Variants in SNX29 observed in about 807,000 individuals in gnomAD.
SNX29 encodes sorting nexin 29, also known as sorting nexin-29.
A neutral mutation model predicts 102.1 loss-of-function variants in SNX29; 78 were observed. The ratio of observed to expected loss-of-function variants is 0.76; its 90% confidence interval spans 0.64 to 0.92. The LOEUF is 0.92. Ranked by LOEUF, SNX29 falls within the 40% of genes least tolerant of loss-of-function variation. The probability of loss-of-function intolerance (pLI) is 0.00; values close to 1 mark genes in which losing one functional copy is unlikely to be tolerated. For synonymous variants in SNX29, 580 were observed against 414.5 expected (o/e 1.40, Z -4.85); for missense variants, 1,280 against 1,061.7 (o/e 1.21, Z -2.86).
intron 18 of SNX29, among the ~76,000 whole-genome samples, chr16:12,434,585 C>G (rs1044121900): frequency 2.0e-5 from 3 of 152,000 alleles, no homozygotes; most frequent in Non-Finnish European, 4.4e-5. Flanking sequence ...CCTTGTGTAC[C>G]CTGCAACCCC....
intron 15 of SNX29, among the ~76,000 whole-genome samples, chr16:12,284,863 T>G (rs1235006081): frequency 6.6e-6 from 1 of 152,126 alleles, no homozygotes; most frequent in Non-Finnish European, 1.5e-5. Flanking sequence ...TAGCTGAGAT[T>G]ACAGATGCGT....
intron 18 of SNX29, among the ~76,000 whole-genome samples, chr16:12,410,247 A>G (rs1387110464): frequency 6.6e-6 from 1 of 151,606 alleles, no homozygotes; most frequent in Non-Finnish European, 1.5e-5. Context: ...ACCTGCCTCG[A>G]CCTCCCAAAG....
At chr16:12,540,373 T>G (rs941955345) in intron 20 of SNX29, among the ~76,000 whole-genome samples, 1 of 152,218 alleles carries the variant, frequency 6.6e-6, no homozygotes, top group African/African-American at 2.4e-5. Context: ...TTTCTTATTG[T>G]TGCCCTACCA....
chr16:12,314,478 T>A lies in SNX29; in HGVS notation c.1782+36442T>A, dbSNP rs143512683. 2.6e-3 allele frequency among the ~76,000 whole-genome samples: 393 copies of A among 152,374 alleles called. 2 individuals are homozygous for A. Among genetic ancestry groups the A allele is most frequent in the Middle Eastern group, 0.01 (3 of 294 alleles). On this transcript the variant is annotated intron_variant, in intron 15 of 20. Transcript: ENST00000566228. ...GCCGTGTGGCCTCAGCCGAGTTCCC[T>A]AGCCTTTCTCTGTCTCATTTTACTC...
At chr16:12,088,077 G>A (rs780029450) in intron 11 of SNX29, 119 of 456,576 alleles carry the variant, frequency 2.6e-4, no homozygotes, top group Middle Eastern at 9.7e-4. Context: ...TGACTGGGAA[G>A]GATGGGTGCT....
intron 2 of SNX29, among the ~76,000 whole-genome samples, chr16:12,001,600 T>C (rs1359195733): frequency 1.3e-5 from 2 of 152,048 alleles, no homozygotes; most frequent in Non-Finnish European, 2.9e-5. Flanking sequence ...TATATGTATA[T>C]ACACACACAC....
chr16:12,033,800 T>A (rs1596648806), intron 4 of SNX29, among the ~76,000 whole-genome samples: 1 of 151,406 alleles, frequency 6.6e-6, no homozygotes, highest in African/African-American at 2.4e-5. Flanking sequence ...AGAGACGGGG[T>A]TTCATCATAT....
chr16:12,069,469 C>T (rs199558890), intron 10 of SNX29, among the ~76,000 whole-genome samples: 3 of 151,888 alleles, frequency 2.0e-5, no homozygotes, highest in African/African-American at 7.3e-5. Flanking sequence ...GGTTTCACCA[C>T]GTTGGCCAGG....
At chr16:12,064,882 C>T (rs147537909) in intron 9 of SNX29, among the ~76,000 whole-genome samples, 2 of 152,380 alleles carry the variant, frequency 1.3e-5, no homozygotes, top group Admixed American at 1.3e-4. Flanking sequence ...GACATTCCCT[C>T]TCATTCTGGA....
intron 15 of SNX29, among the ~76,000 whole-genome samples, chr16:12,299,786 T>C (rs1311912212): frequency 5.3e-5 from 8 of 151,886 alleles, no homozygotes; most frequent in Non-Finnish European, 1.0e-4. Context: ...CGAATTTTTT[T>C]TTTTTTTTTT....
At chr16:12,566,590 C>T (rs1339494641) in intron 20 of SNX29, among the ~76,000 whole-genome samples, 2 of 152,210 alleles carry the variant, frequency 1.3e-5, no homozygotes, top group Admixed American at 1.3e-4. Context: ...TCCAAGCCTT[C>T]CTGTATCTAA....
chr16:12,014,768 C>A (rs1191693858), intron 3 of SNX29, among the ~76,000 whole-genome samples: 1 of 149,528 alleles, frequency 6.7e-6, no homozygotes. Flanking sequence ...AAAAGAAAAT[C>A]ATCAGAAATT....
chr16:12,070,086 G>A (rs758185105), intron 10 of SNX29, among the ~76,000 whole-genome samples: 6 of 152,182 alleles, frequency 3.9e-5, no homozygotes, highest in Non-Finnish European at 5.9e-5. Context: ...GGCTTAGTAT[G>A]CTGTCTGGCA....
intron 18 of SNX29, among the ~76,000 whole-genome samples, chr16:12,433,646 AAAAAG>A (rs72472870): frequency 0.4 from 54,560 of 134,778 alleles, 11,517 homozygotes; most frequent in Non-Finnish European, 0.45. Flanking sequence ...AAAAAAAAAA[AAAAAG>A]GAAACTTAGC....
chr16:12,074,934 C>T (rs1489183216), intron 10 of SNX29, among the ~76,000 whole-genome samples: 3 of 152,172 alleles, frequency 2.0e-5, no homozygotes, highest in Non-Finnish European at 4.4e-5. Flanking sequence ...ATCACTGATA[C>T]CCTTTCTTCC....
chr16:12,523,698 C>A (rs2090187232), intron 19 of SNX29, among the ~76,000 whole-genome samples: 1 of 152,064 alleles, frequency 6.6e-6, no homozygotes, highest in Non-Finnish European at 1.5e-5. Context: ...CCCACAAACA[C>A]CAACCAGACA....
chr16:12,429,538 G>A (rs779794779), intron 18 of SNX29, among the ~76,000 whole-genome samples: 22 of 152,110 alleles, frequency 1.4e-4, no homozygotes, highest in Non-Finnish European at 2.9e-4. Flanking sequence ...CAAAGCCCTG[G>A]GATTACAGAT....
rs77747666 is a variant in SNX29, at chr16:12,079,555, C to T, written c.1402+640C>T. Among the ~76,000 whole-genome samples the T allele has an allele frequency of 7.0e-3, 1,066 of 152,036 alleles. 13 individuals carry two copies. The highest frequency in any genetic ancestry group is 0.025 in the African/African-American group (1,023 of 41,478). On this transcript the variant is annotated intron_variant, in intron 11 of 20. Coordinates refer to ENST00000566228, the MANE Select transcript of SNX29 (RefSeq NM_032167.5). ...TTTTGTTGCTAAGGAAGGAAGAAGG[C>T]GTTTGGGAGGCACCTAGCATTTTCT...
intron 16 of SNX29, among the ~76,000 whole-genome samples, chr16:12,398,181 C>T (rs1190153460): frequency 6.6e-6 from 1 of 152,184 alleles, no homozygotes; most frequent in Non-Finnish European, 1.5e-5. Context: ...CTCTTACATG[C>T]CTGTGATTAT....
Sources: allele counts gnomAD v4.1 joint callset (sites outside exome capture counted in the v4.1 genomes callset), GRCh38; gene constraint gnomAD v4.1.1; transcripts MANE v1.5; gene names NCBI Gene and HGNC (gene_info 2026-07-23, HGNC 2026-07-21).